ZNF385D: variants seen among roughly 807,000 people sequenced by gnomAD.
ZNF385D encodes zinc finger protein 659.
Under a neutral mutation model 35.8 loss-of-function variants are expected in ZNF385D, and 15 were observed. The ratio of observed to expected loss-of-function variants is 0.42; its 90% CI spans 0.28 to 0.64. The LOEUF is 0.64. Ranked by LOEUF, ZNF385D falls within the 30% of genes least tolerant of loss-of-function variation. The probability of loss-of-function intolerance (pLI) is 0.23; values close to 1 mark genes in which losing one functional copy is unlikely to be tolerated. For synonymous variants in ZNF385D, 212 were observed against 186.8 expected (o/e 1.13, Z -1.10); for missense variants, 474 against 494.6 (o/e 0.96, Z 0.39).
chr3:21,931,028 C>A (rs1700980258), intron 3 of ZNF385D, among the ~76,000 whole-genome samples: 1 of 151,926 alleles, frequency 6.6e-6, no homozygotes, highest in Admixed American at 6.6e-5. Flanking sequence ...AATGCCAAGT[C>A]ATATAAGGGA....
At chr3:21,605,237 G>C (rs2064441833) in intron 2 of ZNF385D, among the ~76,000 whole-genome samples, 1 of 152,138 alleles carries the variant, frequency 6.6e-6, no homozygotes, top group Admixed American at 6.5e-5. Context: ...TGGGAAGGAA[G>C]ACACACAAGA....
intron 3 of ZNF385D, among the ~76,000 whole-genome samples, chr3:21,916,792 G>A (rs1043061316): frequency 6.6e-6 from 1 of 152,196 alleles, no homozygotes; most frequent in Non-Finnish European, 1.5e-5. Flanking sequence ...CGAAAGCACT[G>A]TAATAGGTAA....
intron 3 of ZNF385D, among the ~76,000 whole-genome samples, chr3:22,069,282 T>C (rs1180597659): frequency 1.3e-5 from 2 of 152,174 alleles, no homozygotes; most frequent in Non-Finnish European, 2.9e-5. Context: ...CAAATGGTTC[T>C]ACATACCCTC....
At chr3:21,840,174 T>C (rs1191925473) in intron 3 of ZNF385D, among the ~76,000 whole-genome samples, 1 of 152,052 alleles carries the variant, frequency 6.6e-6, no homozygotes, top group African/African-American at 2.4e-5. Context: ...AATTTGTATT[T>C]CAGTGACAAC....
chr3:22,237,764 C>T (rs1387834584), intron 2 of ZNF385D, among the ~76,000 whole-genome samples: 1 of 152,100 alleles, frequency 6.6e-6, no homozygotes, highest in Non-Finnish European at 1.5e-5. Context: ...CTGCCTCAGC[C>T]TCCTGAGAAT....
chr3:22,017,413 G>A (rs150671011), intron 3 of ZNF385D, among the ~76,000 whole-genome samples: 1 of 152,022 alleles, frequency 6.6e-6, no homozygotes, highest in Non-Finnish European at 1.5e-5. Flanking sequence ...AAATTTTTGT[G>A]TGTTGTCTTT....
intron 3 of ZNF385D, among the ~76,000 whole-genome samples, chr3:22,101,485 C>A (rs115583566): frequency 6.6e-6 from 1 of 152,024 alleles, no homozygotes; most frequent in Non-Finnish European, 1.5e-5. Flanking sequence ...TGCTAGTAAT[C>A]AGCAGATGTA....
intron 2 of ZNF385D, among the ~76,000 whole-genome samples, chr3:21,626,807 G>A (rs2065146552): frequency 1.3e-5 from 2 of 151,942 alleles, no homozygotes; most frequent in Non-Finnish European, 2.9e-5. Context: ...GAGAACCAAG[G>A]AGAAAGAGCA....
intron 3 of ZNF385D, among the ~76,000 whole-genome samples, chr3:22,075,499 C>T (rs1700421045): frequency 6.6e-6 from 1 of 151,832 alleles, no homozygotes. Context: ...CACTTTCCCA[C>T]TCTCTCCTTA....
At chr3:21,716,920 G>A (rs536404350) in intron 1 of ZNF385D, among the ~76,000 whole-genome samples, 14 of 152,028 alleles carry the variant, frequency 9.2e-5, no homozygotes, top group South Asian at 2.1e-4. Context: ...TCAAGAGATC[G>A]AGACCATCCT....
At chr3:21,522,275 A>C (rs1353918543) in intron 3 of ZNF385D, among the ~76,000 whole-genome samples, 1 of 152,310 alleles carries the variant, frequency 6.6e-6, no homozygotes, top group East Asian at 1.9e-4. Flanking sequence ...CAACTTCTTA[A>C]ATAATGCTTT....
At chr3:21,638,136 A>T (rs1477133564) in intron 2 of ZNF385D, among the ~76,000 whole-genome samples, 1 of 152,120 alleles carries the variant, frequency 6.6e-6, no homozygotes, top group African/African-American at 2.4e-5. Context: ...AACAAATATG[A>T]ACAAATTCAA....
In ZNF385D at chr3:21,920,979, G is replaced by A. The variant is rs565453517; in HGVS notation, c.325+247838C>T. 8.5e-5 allele frequency among the ~76,000 whole-genome samples: 13 copies of A among 152,112 alleles called. No homozygotes were observed. In the East Asian group the frequency reaches 2.5e-3, roughly 29 times the overall value. On this transcript the variant is annotated intron_variant, in intron 3 of 5. Coordinates refer to the ZNF385D transcript ENST00000494108. The stretch of plus-strand genomic sequence containing the variant: ...GCTTGTAATCCCAGCACTCTGGGAG[G>A]CTGAGGCGGGCGGATCATGAGGTCA...
intron 1 of ZNF385D, among the ~76,000 whole-genome samples, chr3:21,665,241 C>T (rs2066369620): frequency 6.6e-6 from 1 of 152,192 alleles, no homozygotes; most frequent in Admixed American, 6.5e-5. Context: ...TTGATTATAA[C>T]TATCTGGTTA....
At chr3:22,321,349 T>C (rs970461563) in intron 2 of ZNF385D, among the ~76,000 whole-genome samples, 12 of 151,934 alleles carry the variant, frequency 7.9e-5, no homozygotes, top group Admixed American at 1.3e-4. Context: ...TATATATATG[T>C]GTGTACTTTT....
At chr3:21,514,054 G>A (rs1050269097) in intron 3 of ZNF385D, among the ~76,000 whole-genome samples, 1 of 151,884 alleles carries the variant, frequency 6.6e-6, no homozygotes, top group Non-Finnish European at 1.5e-5. Context: ...TTTACTGAGA[G>A]ATTTTTTTAA....
Position 21,670,655 on chromosome 3 carries a change from C to G in ZNF385D, c.23-5627G>C, listed in dbSNP as rs1346134299. 6.1e-3 allele frequency among the ~76,000 whole-genome samples: 27 copies of G among 4,398 alleles called. 8 individuals carry two copies. Among genetic ancestry groups the G allele is most frequent in the South Asian group, 0.04 (2 of 50 alleles). 2.9% of individuals were successfully genotyped at this position (4,398 alleles called of 152,430 possible). On this transcript the variant is annotated intron_variant, in intron 1 of 7. Coordinates refer to ENST00000281523, the MANE Select transcript of ZNF385D (RefSeq NM_024697.3). ...TAAAAATGAAATCCTAAGGCGCCCC[C>G]CCCCCCCCCCCCCCCCCCAATGACT...
chr3:22,030,287 A>ATGTGTGTG (rs1407044673), intron 3 of ZNF385D, among the ~76,000 whole-genome samples: 1 of 97,436 alleles, frequency 1.0e-5, no homozygotes, highest in African/African-American at 4.6e-5. Flanking sequence ...ATATATATAT[A>ATGTGTGTG]TATATATATA....
chr3:21,953,250 C>T (rs1158175923), intron 3 of ZNF385D, among the ~76,000 whole-genome samples: 3 of 146,342 alleles, frequency 2.0e-5, no homozygotes, highest in African/African-American at 5.1e-5. Context: ...AAACTAGAGG[C>T]TCAGAATAAA....
Sources: allele counts gnomAD v4.1 joint callset (sites outside exome capture counted in the v4.1 genomes callset), GRCh38; gene constraint gnomAD v4.1.1; transcripts MANE v1.5; gene names NCBI Gene and HGNC (gene_info 2026-07-23, HGNC 2026-07-21).